Variants in SUMF1 observed in about 807,000 individuals in gnomAD.
The protein encoded by SUMF1 is sulfatase modifying factor 1.
In SUMF1, 48 loss-of-function variants were observed where a neutral mutation model predicts 47.6. That is an observed-to-expected ratio of 1.01 (90% CI 0.80 to 1.28). The LOEUF (loss-of-function observed/expected upper bound fraction) is 1.28. Among genes scored for constraint, SUMF1 ranks in the 50% most tolerant of loss-of-function variants. The probability of loss-of-function intolerance (pLI) is 0.00; values close to 1 mark genes in which losing one functional copy is unlikely to be tolerated. For synonymous variants in SUMF1, 230 were observed against 192.1 expected, an observed-to-expected ratio of 1.20 and a Z score of -1.63; for missense variants, 571 against 485.4, an observed-to-expected ratio of 1.18 and a Z score of -1.66.
chr3:4,335,962 A>AAAAAAAC (rs1255921356), intron 8 of SUMF1, among the ~76,000 whole-genome samples: 6 of 143,862 alleles, frequency 4.2e-5, no homozygotes, highest in African/African-American at 7.9e-5. Flanking sequence ...TTCCAACTCA[A>AAAAAAAC]AAAAAAAAAA....
chr3:4,275,893 G>T (rs1424058800), intron 8 of SUMF1, among the ~76,000 whole-genome samples: 1 of 152,070 alleles, frequency 6.6e-6, no homozygotes, highest in Non-Finnish European at 1.5e-5. Context: ...AATCATATTG[G>T]CCTGTTTCTG....
intron 8 of SUMF1, among the ~76,000 whole-genome samples, chr3:4,085,764 T>C (rs1036733711): frequency 4.6e-5 from 7 of 152,246 alleles, no homozygotes; most frequent in East Asian, 3.9e-4. Context: ...ACTACAAACA[T>C]GAGACATGCA....
At chr3:4,113,583 AC>A (rs1693358819) in intron 8 of SUMF1, among the ~76,000 whole-genome samples, 1 of 151,918 alleles carries the variant, frequency 6.6e-6, no homozygotes, top group Non-Finnish European at 1.5e-5. Flanking sequence ...AACTATAGTC[AC>A]CCTACTCTGC....
intron 8 of SUMF1, among the ~76,000 whole-genome samples, chr3:4,216,665 T>G (rs1016017665): frequency 6.6e-6 from 1 of 151,660 alleles, no homozygotes; most frequent in Non-Finnish European, 1.5e-5. Context: ...TCAAACAAAT[T>G]TACAAGAAAA....
At chr3:4,405,982 C>A (rs1701362106) in intron 7 of SUMF1, among the ~76,000 whole-genome samples, 1 of 152,120 alleles carries the variant, frequency 6.6e-6, no homozygotes, top group South Asian at 2.1e-4. Context: ...GGAATATCAG[C>A]AATCACTATT....
chr3:4,431,186 TC>T (rs1399800854), intron 3 of SUMF1, among the ~76,000 whole-genome samples: 1 of 152,114 alleles, frequency 6.6e-6, no homozygotes, highest in Non-Finnish European at 1.5e-5. Context: ...AAACCCCACC[TC>T]CAAGTGGAAG....
rs114780523 is a variant in SUMF1, at chr3:4,446,613, C to T, written c.519+2653G>A. On this transcript the variant is annotated intron_variant, in intron 3 of 8. Coordinates refer to ENST00000272902, the MANE Select transcript of SUMF1 (RefSeq NM_182760.4). ...AAGAAGAAGCACCAGACATCAGGTG[C>T]CTCATGGGGAAAGAACCCACCAATT... Among the ~76,000 whole-genome samples, 434 of 152,306 alleles carry T rather than the reference C, an allele frequency of 2.8e-3. 2 individuals carry two copies. Among genetic ancestry groups the T allele is most frequent in the African/African-American group, 9.8e-3 (408 of 41,562 alleles).
At chr3:4,293,374 A>G (rs1697778595) in intron 8 of SUMF1, among the ~76,000 whole-genome samples, 1 of 152,240 alleles carries the variant, frequency 6.6e-6, no homozygotes. Flanking sequence ...TGGAGTTCAA[A>G]GAGCCACCTA....
intron 3 of SUMF1, among the ~76,000 whole-genome samples, chr3:4,436,933 C>G (rs1025659936): frequency 6.6e-5 from 10 of 150,564 alleles, no homozygotes; most frequent in African/African-American, 2.4e-4. Flanking sequence ...ATAATAAATA[C>G]CAGAAGACAG....
At chr3:4,186,244 G>A (rs979097072) in intron 8 of SUMF1, among the ~76,000 whole-genome samples, 4 of 152,146 alleles carry the variant, frequency 2.6e-5, no homozygotes, top group Non-Finnish European at 5.9e-5. Context: ...TCCACAAGAA[G>A]AGAATCAGAA....
intron 7 of SUMF1, among the ~76,000 whole-genome samples, chr3:4,385,998 C>T (rs896276198): frequency 2.2e-4 from 33 of 152,132 alleles, no homozygotes; most frequent in African/African-American, 8.0e-4. Flanking sequence ...ATAAGCATAT[C>T]CCTCCACCAA....
At chr3:4,356,910 T>C (rs1699631534), downstream of SUMF1, among the ~76,000 whole-genome samples, 1 of 152,232 alleles carries the variant, frequency 6.6e-6, no homozygotes, top group African/African-American at 2.4e-5. Context: ...TTCACACGTC[T>C]TGCCTGGCTC....
intron 1 of SUMF1, among the ~76,000 whole-genome samples, chr3:4,462,290 T>C (rs1178131636): frequency 6.6e-6 from 1 of 152,186 alleles, no homozygotes; most frequent in Admixed American, 6.5e-5. Context: ...AGTTCATCTT[T>C]GAACTTTTGC....
chr3:4,102,931 T>TG (rs958848686), intron 8 of SUMF1, among the ~76,000 whole-genome samples: 42 of 151,676 alleles, frequency 2.8e-4, no homozygotes, highest in African/African-American at 9.5e-4. Flanking sequence ...TCTTTTTTTT[T>TG]TTTTAATTTG....
intron 8 of SUMF1, among the ~76,000 whole-genome samples, chr3:4,175,408 G>A (rs1417590820): frequency 6.6e-6 from 1 of 152,102 alleles, no homozygotes; most frequent in Non-Finnish European, 1.5e-5. Flanking sequence ...GGTCTGGAGT[G>A]GAACTCCAGC....
At chr3:4,346,546 TATAGCACTAAATGCCCAC>T (rs1485980737) in intron 8 of SUMF1, among the ~76,000 whole-genome samples, 1 of 152,140 alleles carries the variant, frequency 6.6e-6, no homozygotes, top group African/African-American at 2.4e-5. Flanking sequence ...GAGGGAAATT[TATAGCACTAAATGCCCAC>T]ATCAGAAAGC....
At position 4,419,933 on chromosome 3, in the gene SUMF1, T is replaced by C; in HGVS notation, c.602+131A>G. The C allele has an allele frequency of 1.1e-5, 9 of 786,236 alleles. No individual in the cohort carries two copies. The South Asian group carries it at 1.3e-4, about 11-fold the overall frequency. 48.7% of individuals were successfully genotyped at this position (786,236 alleles called of 1,614,324 possible). A position where few individuals can be genotyped will look rare whatever the true frequency, so the allele number is the denominator to read the frequency against. ...GTTATTTCCCACCATCTTATTTTCC[T>C]ACCAATCAATTACAGTTTGTCATTC... On this transcript the variant is annotated intron_variant, in intron 4 of 8. Transcript: ENST00000272902.
At chr3:4,180,700 A>ACACACACACACACACACACAC (rs1553606606) in intron 8 of SUMF1, among the ~76,000 whole-genome samples, 12 of 151,530 alleles carry the variant, frequency 7.9e-5, no homozygotes, top group East Asian at 1.9e-4. Context: ...ACACACACAC[A>ACACACACACACACACACACAC]AAATTAGCCA....
intron 8 of SUMF1, among the ~76,000 whole-genome samples, chr3:4,093,563 A>G (rs1692835835): frequency 6.6e-6 from 1 of 152,138 alleles, no homozygotes; most frequent in Non-Finnish European, 1.5e-5. Context: ...ACTAAACAAA[A>G]AAAAAGTTTT....
Sources: gnomAD v4.1 joint callset for allele counts (sites outside exome capture counted in the v4.1 genomes callset) on GRCh38, gnomAD v4.1.1 for gene constraint, MANE v1.5 for transcripts, NCBI Gene and HGNC (gene_info 2026-07-23, HGNC 2026-07-21) for gene names.